DMXL2: variants seen among roughly 807,000 people sequenced by gnomAD.
DMXL2 encodes the protein dmX-like protein 2.
Under a neutral mutation model 331.1 loss-of-function variants are expected in DMXL2, and 103 were observed. The observed-to-expected ratio is 0.31, with a 90% CI of 0.27 to 0.37. The LOEUF (loss-of-function observed/expected upper bound fraction) is 0.37, where lower values mean the gene tolerates loss of function less well. Ranked by LOEUF, DMXL2 falls within the 10% of genes least tolerant of loss-of-function variation. The pLI is 1.00. For synonymous variants in DMXL2, 1,281 were observed against 1,252.1 expected, an observed-to-expected ratio of 1.02 and a Z score of -0.49; for missense variants, 3,171 against 3,642.9, an observed-to-expected ratio of 0.87 and a Z score of 3.33.
intron 1 of DMXL2, among the ~76,000 whole-genome samples, chr15:51,612,408 T>C (rs2054031346): frequency 6.6e-6 from 1 of 152,142 alleles, no homozygotes; most frequent in Admixed American, 6.5e-5. Context: ...ACCCCCAATA[T>C]TTCATATAGG....
chr15:51,501,039 G>T (rs150469723), intron 17 of DMXL2, among the ~76,000 whole-genome samples: 32 of 152,150 alleles, frequency 2.1e-4, no homozygotes, highest in African/African-American at 7.7e-4. Context: ...TTTATAAGGC[G>T]TCTGTAAAAT....
chr15:51,510,607 G>A (rs956483875), intron 15 of DMXL2, among the ~76,000 whole-genome samples: 2 of 151,994 alleles, frequency 1.3e-5, no homozygotes, highest in Admixed American at 1.3e-4. Flanking sequence ...TGTGAAAATC[G>A]CCATACTGCC....
chr15:51,460,517 G>C (rs1222210287), intron 33 of DMXL2: 1 of 260,764 alleles, frequency 3.8e-6, no homozygotes, highest in Non-Finnish European at 6.0e-6. Context: ...AACTTGTTTT[G>C]TGAAATATTT....
At chr15:51,482,799 T>C (rs1013433520) in intron 23 of DMXL2, among the ~76,000 whole-genome samples, 2 of 152,182 alleles carry the variant, frequency 1.3e-5, no homozygotes, top group Non-Finnish European at 2.9e-5. Context: ...ACCAAGAGAA[T>C]GATGCCAGCA....
chr15:51,524,014 T>C (rs1441108766), intron 13 of DMXL2, among the ~76,000 whole-genome samples: 1 of 152,170 alleles, frequency 6.6e-6, no homozygotes, highest in African/African-American at 2.4e-5. Context: ...CTCTACCCAA[T>C]AACAACAAAA....
intron 16 of DMXL2, among the ~76,000 whole-genome samples, chr15:51,506,742 C>T (rs962132150): frequency 9.2e-5 from 14 of 152,084 alleles, no homozygotes; most frequent in African/African-American, 3.1e-4. Flanking sequence ...CGTGAGCCAC[C>T]GCGCCCAGCC....
chr15:51,463,264 T>C (rs549035114), intron 33 of DMXL2, 115 bp downstream of exon 33: 4 of 639,150 alleles, frequency 6.3e-6, no homozygotes, highest in Non-Finnish European at 1.1e-5. Context: ...TTAGTGAACT[T>C]TGACTATTAC....
Position 51,499,945 on chromosome 15 carries a change from A to C in DMXL2, c.3279T>G (p.Asn1093Lys). 6.2e-7 allele frequency: 1 copy of C among 1,614,060 alleles called. No individual in the cohort carries two copies. The highest frequency in any genetic ancestry group is 8.5e-7 in the Non-Finnish European group (1 of 1,179,986). Residue 1093 changes from asparagine (N) to lysine (K), a missense_variant, in exon 18 of 44, where the codon AAT becomes AAG. This residue lies in a region of DMXL2 where 1,674 missense variants were observed against 1,780.2 expected (regional missense o/e 0.94). Transcript: ENST00000560891. ...AVAYKQPIHH[N>K]GFVSKEFSMH... ...TGGAAAATTCTTTAGAAACAAAACCATTATGGTGGATAGGCTGCTTATAAG... is the reference window on the plus strand; with the variant it reads ...TGGAAAATTCTTTAGAAACAAAACCCTTATGGTGGATAGGCTGCTTATAAG...
At chr15:51,613,548 C>T (rs568950941) in intron 1 of DMXL2, among the ~76,000 whole-genome samples, 67 of 152,282 alleles carry the variant, frequency 4.4e-4, no homozygotes, top group African/African-American at 1.5e-3. Flanking sequence ...AAAGGATAAC[C>T]AGTAAGTTAT....
Position 51,622,574 on chromosome 15 carries a change from C to T in DMXL2, c.-29G>A, listed in dbSNP as rs1267552899. 1.3e-6 allele frequency: 2 copies of T among 1,539,154 alleles called. No individual in the cohort carries two copies. Among genetic ancestry groups the T allele is most frequent in the Non-Finnish European group, 1.8e-6 (2 of 1,140,116 alleles). On this transcript the variant is annotated 5_prime_UTR_variant, in exon 1 of 44. Transcript: ENST00000560891. ...CGGAGCCCGGGCTGGACAGAATGCG[C>T]GGGAGGTGCGACAAGCTCCGCGCCT...
intron 36 of DMXL2, among the ~76,000 whole-genome samples, chr15:51,458,236 G>T (rs2039813425): frequency 6.6e-6 from 1 of 152,198 alleles, no homozygotes; most frequent in Admixed American, 6.5e-5. Flanking sequence ...TAATTATCCA[G>T]ATCAGATTAA....
Position 51,537,535 on chromosome 15 carries a change from C to T in DMXL2, c.1570G>A (p.Val524Met). 1 of 1,613,760 alleles carries T rather than the reference C, an allele frequency of 6.2e-7. No individual in the cohort carries two copies. The highest frequency in any genetic ancestry group is 1.3e-5 in the African/African-American group (1 of 75,026). ...PVDGTFLVWH[V>M]KYLDEYNPGI... ...GGATTATATTCATCCAAATACTTCA[C>T]ATGCCACACTAGAAAGGTACCATCT... Residue 524 changes from valine to methionine, a missense_variant, in exon 11 of 44, where the codon GTG becomes ATG. Around this residue, in one of 7 missense-constraint regions of DMXL2, gnomAD observed 1,674 missense variants for 1,780.2 expected, o/e 0.94. Transcript: ENST00000560891.
At chr15:51,461,889 TGGAATTTGGACTCAGCATCACTATA>T (rs544111200) in intron 33 of DMXL2, among the ~76,000 whole-genome samples, 322 of 152,274 alleles carry the variant, frequency 2.1e-3, no homozygotes, top group Admixed American at 3.7e-3. Flanking sequence ...TTTTAGTTTA[TGGAATTTGGACTCAGCATCACTATA>T]GGAAATGCTA....
intron 17 of DMXL2, among the ~76,000 whole-genome samples, chr15:51,500,726 C>T (rs1193785885): frequency 1.3e-5 from 2 of 152,084 alleles, no homozygotes; most frequent in East Asian, 3.9e-4. Flanking sequence ...TGTTTCAGAC[C>T]GCAAAACAGA....
chr15:51,561,014 A>T (rs1296056857), intron 6 of DMXL2, among the ~76,000 whole-genome samples: 1 of 151,938 alleles, frequency 6.6e-6, no homozygotes, highest in African/African-American at 2.4e-5. Flanking sequence ...AGAGAATTTT[A>T]AAACCTCTTA....
At position 51,586,269 on chromosome 15, in the gene DMXL2, A is replaced by G. The variant is rs146430985; in HGVS notation, c.88-10088T>C. ...GGACTGTTCCTCTTAGAAACAACTC[A>G]TATCAGAAAATGCAAAATTAACAAA... On this transcript the variant is annotated intron_variant, in intron 1 of 43. Transcript: ENST00000560891. 7.8e-4 allele frequency among the ~76,000 whole-genome samples: 119 copies of G among 152,354 alleles called. 1 individual carries two copies. In the East Asian group the frequency reaches 0.015, roughly 19 times the overall value.
Position 51,448,844 on chromosome 15 carries a change from T to C in DMXL2, c.*140A>G. The C allele has an allele frequency of 2.4e-6, 2 of 822,830 alleles. No homozygotes were observed. The highest frequency in any genetic ancestry group is 1.7e-5 in the South Asian group (1 of 57,236). 51.0% of individuals were successfully genotyped at this position (822,830 alleles called of 1,614,324 possible). Reference sequence around the variant, plus strand: ...CATTCATTCCACCAACCTGTTTAGATAATACTCAGCTTGGGTCATATTCAA... The same window carrying C: ...CATTCATTCCACCAACCTGTTTAGACAATACTCAGCTTGGGTCATATTCAA... On this transcript the variant is annotated 3_prime_UTR_variant, in exon 44 of 44. Transcript: ENST00000560891.
At chr15:51,587,782 C>T (rs946292406) in intron 1 of DMXL2, among the ~76,000 whole-genome samples, 1 of 152,214 alleles carries the variant, frequency 6.6e-6, no homozygotes, top group African/African-American at 2.4e-5. Flanking sequence ...TACAGTCCCA[C>T]CAGCAGTGTA....
chr15:51,474,866 A>G (rs1473608045), intron 27 of DMXL2, among the ~76,000 whole-genome samples: 1 of 152,238 alleles, frequency 6.6e-6, no homozygotes, highest in Non-Finnish European at 1.5e-5. Context: ...ACATAAAATG[A>G]GTGATAGTGT....
Sources: allele counts gnomAD v4.1 joint callset (sites outside exome capture counted in the v4.1 genomes callset), GRCh38; gene constraint gnomAD v4.1.1; regional missense constraint gnomAD v4.1.1; transcripts MANE v1.5; gene names NCBI Gene and HGNC (gene_info 2026-07-23, HGNC 2026-07-21).